The following ADGRL1 variants were observed in gnomAD, a reference collection of about 807,000 sequenced individuals.
ADGRL1 encodes adhesion G protein-coupled receptor L1, also known as CIRL-1.
A neutral mutation model predicts 148.9 loss-of-function variants in ADGRL1; 31 were observed. The ratio of observed to expected loss-of-function variants is 0.21; its 90% CI spans 0.16 to 0.28. ADGRL1 has a LOEUF of 0.28. ADGRL1 is among the 10% of genes least tolerant of loss of function. The probability of loss-of-function intolerance (pLI) is 1.00; values close to 1 mark genes in which losing one functional copy is unlikely to be tolerated. For missense variants in ADGRL1, 1,521 were observed against 2,058.8 expected, an observed-to-expected ratio of 0.74 and a Z score of 5.05; for synonymous variants, 937 against 900.3, an observed-to-expected ratio of 1.04 and a Z score of -0.73.
chr19:14,161,618 T>C lies in ADGRL1; in HGVS notation c.1204A>G (p.Thr402Ala), dbSNP rs1337467035. The change falls in exon 6 of 23, where the codon ACT becomes GCT. Residue 402 changes from threonine (T) to alanine (A), a missense_variant. Coordinates refer to ENST00000361434, the MANE Select transcript of ADGRL1 (RefSeq NM_014921.5). The surrounding 1 kb of genome is among the most constrained non-coding windows in gnomAD (Gnocchi z 4.4). ...GPPDPSAGPA[T>A]SPPLSTTTTA... ...GTGGTCGTGCTGAGGGGTGGGGAAGTGGCTGGGCCTGGAGAGGGGATACGA... is the reference window on the plus strand; with the variant it reads ...GTGGTCGTGCTGAGGGGTGGGGAAGCGGCTGGGCCTGGAGAGGGGATACGA... 7.1e-7 allele frequency: 1 copy of C among 1,406,712 alleles called. No homozygotes were observed. Among genetic ancestry groups the C allele is most frequent in the East Asian group, 2.8e-5 (1 of 36,212 alleles). The allele number at this position is 1,406,712 out of a possible 1,614,324, so 87.1% of individuals were successfully genotyped here.
At chr19:14,200,154 G>A (rs1972506016) in intron 1 of ADGRL1, among the ~76,000 whole-genome samples, 1 of 152,222 alleles carries the variant, frequency 6.6e-6, no homozygotes, top group African/African-American at 2.4e-5. Context: ...AGAGTTAGAA[G>A]AGCATCCTGG....
At chr19:14,190,334 A>ATTT (rs1971850044) in intron 1 of ADGRL1, among the ~76,000 whole-genome samples, 1 of 152,150 alleles carries the variant, frequency 6.6e-6, no homozygotes, top group African/African-American at 2.4e-5. Context: ...TGGCACCATC[A>ATTT]AAGCTCACTG....
intron 18 of ADGRL1, among the ~76,000 whole-genome samples, chr19:14,153,560 C>T (rs1214811736): frequency 7.3e-5 from 11 of 150,606 alleles, no homozygotes; most frequent in Middle Eastern, 3.4e-3. Context: ...GGATTACAGG[C>T]GCACACCACC....
rs1968269303 is a variant in ADGRL1 at position 14,152,170 on chromosome 19, G to A, written c.3650-20C>T. The A allele has an allele frequency of 6.2e-7, 1 of 1,614,154 alleles. No homozygotes were observed. The highest frequency in any genetic ancestry group is 1.1e-5 in the South Asian group (1 of 91,092). On this transcript the variant is annotated intron_variant, in intron 21 of 22. Coordinates refer to ENST00000361434, the MANE Select transcript of ADGRL1 (RefSeq NM_014921.5). This position sits in a 1 kb window ranked among gnomAD's most constrained non-coding sequence, Gnocchi z 6.1. ...AGCTCCCTGCAGGTGGCAGCCAGAAGAGAGAAGAGAAAAGGCAAGGATGAG... is the reference window on the plus strand; with the variant it reads ...AGCTCCCTGCAGGTGGCAGCCAGAAAAGAGAAGAGAAAAGGCAAGGATGAG...
intron 1 of ADGRL1, among the ~76,000 whole-genome samples, chr19:14,197,837 TAATG>T (rs1170410996): frequency 2.6e-5 from 4 of 152,208 alleles, no homozygotes; most frequent in Non-Finnish European, 5.9e-5. Context: ...TTCATTTGTT[TAATG>T]AATGAAGATG....
At position 14,199,091 on chromosome 19, in the gene ADGRL1, G is replaced by C. The variant is rs569304818; in HGVS notation, c.-96+6894C>G. 4.5e-3 allele frequency among the ~76,000 whole-genome samples: 679 copies of C among 152,340 alleles called. 3 individuals carry two copies. The highest frequency in any genetic ancestry group is 0.016 in the African/African-American group (649 of 41,586). On this transcript the variant is annotated intron_variant, in intron 1 of 22. Coordinates refer to ENST00000361434, the MANE Select transcript of ADGRL1 (RefSeq NM_014921.5). ...GGAGACAGGGGCATGGTGCCTAGCA[G>C]GGCAGGAGAGAAGAGGCCTCCGGCA...
At chr19:14,202,958 G>GCAGA (rs888426410) in intron 1 of ADGRL1, among the ~76,000 whole-genome samples, 6 of 152,270 alleles carry the variant, frequency 3.9e-5, no homozygotes, top group South Asian at 2.1e-4. Flanking sequence ...ATGCACAGGT[G>GCAGA]CAGACAGACA....
Position 14,183,682 on chromosome 19 carries a change from G to T in ADGRL1, c.-80C>A. 1 of 1,287,502 alleles carries T rather than the reference G, an allele frequency of 7.8e-7. No homozygotes were observed. Among genetic ancestry groups the T allele is most frequent in the Non-Finnish European group, 1.1e-6 (1 of 923,840 alleles). The allele number at this position is 1,287,502 out of a possible 1,614,324, so 79.8% of individuals were successfully genotyped here. A position where few individuals can be genotyped will look rare whatever the true frequency, so the allele number is the denominator to read the frequency against. ...CCCCACATCACCTGGCAGGCACCAC[G>T]GCCTGGACCACCAGCCTGGGGGAGG... is the stretch of plus-strand genomic sequence containing the variant. On this transcript the variant is annotated 5_prime_UTR_variant, in exon 2 of 23. Transcript: ENST00000361434.
chr19:14,195,356 CAGG>C (rs1365650134), intron 1 of ADGRL1, among the ~76,000 whole-genome samples: 2 of 151,920 alleles, frequency 1.3e-5, no homozygotes, highest in Non-Finnish European at 2.9e-5. Flanking sequence ...GGGAGAGCAA[CAGG>C]AGGAGAAGCG....
At position 14,162,040 on chromosome 19, in the gene ADGRL1, G is replaced by A. The variant is rs574636035; in HGVS notation, c.1196-414C>T. 2.6e-5 allele frequency among the ~76,000 whole-genome samples: 4 copies of A among 152,288 alleles called. No individual in the cohort carries two copies. The highest frequency in any genetic ancestry group is 3.9e-4 in the East Asian group (2 of 5,170). On this transcript the variant is annotated intron_variant, in intron 5 of 22. Coordinates refer to ENST00000361434, the MANE Select transcript of ADGRL1 (RefSeq NM_014921.5). This position sits in a 1 kb window ranked among gnomAD's most constrained non-coding sequence, Gnocchi z 5.4. ...CTCGTTCTAGCTGACTTTGGCTTAT[G>A]TAACCTGGCTATGCTCCTTCCTTCT...
intron 3 of ADGRL1, among the ~76,000 whole-genome samples, chr19:14,172,855 G>T (rs1413467844): frequency 6.6e-6 from 1 of 152,062 alleles, no homozygotes; most frequent in Non-Finnish European, 1.5e-5. Context: ...CAACTGTCAC[G>T]GTTTCACAGT....
At chr19:14,179,282 G>A (rs979871943) in intron 2 of ADGRL1, among the ~76,000 whole-genome samples, 11 of 151,792 alleles carry the variant, frequency 7.2e-5, no homozygotes, top group Admixed American at 3.9e-4. Context: ...ATCATGAGGT[G>A]AGGTGATTGA....
intron 1 of ADGRL1, among the ~76,000 whole-genome samples, chr19:14,194,667 G>C (rs947129581): frequency 2.6e-5 from 4 of 152,282 alleles, no homozygotes; most frequent in African/African-American, 7.2e-5. Context: ...GTTGGGCTTG[G>C]TGAGCTGTGG....
rs1324552263 is a variant in ADGRL1, at chr19:14,162,168, G to T, written c.1195+438C>A. Among the ~76,000 whole-genome samples, 2 of 152,180 alleles carry T rather than the reference G, an allele frequency of 1.3e-5. No homozygotes were observed. Among genetic ancestry groups the T allele is most frequent in the Non-Finnish European group, 2.9e-5 (2 of 68,014 alleles). ...AGCAGGGCAGCTAGGCGGGGCAAAA[G>T]AAGACTGCAGAGTTGCCCTCAGCCC... On this transcript the variant is annotated intron_variant, in intron 5 of 22. Transcript: ENST00000361434. The surrounding 1 kb of genome is among the most constrained non-coding windows in gnomAD (Gnocchi z 5.4).
intron 1 of ADGRL1, among the ~76,000 whole-genome samples, chr19:14,188,369 C>T (rs1221432493): frequency 2.6e-5 from 4 of 152,144 alleles, no homozygotes; most frequent in African/African-American, 9.7e-5. Flanking sequence ...CACAAAGACA[C>T]CCACGGAAGA....
Position 14,157,128 on chromosome 19 carries a change from G to C in ADGRL1, c.2763C>G (p.Phe921Leu). Residue 921 changes from phenylalanine (F) to leucine (L), a missense_variant, in exon 15 of 23, where the codon TTC (phenylalanine) becomes TTG (leucine). Phe to Leu is a conservative substitution (Grantham distance 22). This residue lies in a region of ADGRL1 where 26 missense variants were observed against 75.0 expected (regional missense o/e 0.35). Coordinates refer to ENST00000361434, the MANE Select transcript of ADGRL1 (RefSeq NM_014921.5). The surrounding 1 kb of genome is among the most constrained non-coding windows in gnomAD (Gnocchi z 7.5). ...KTQYEIACPI[F>L]AGLLHYFFLA... ...GGAAGAAATAGTGCAGCAGGCCGGC[G>C]AAGATGGGGCAGGCAATCTGCGGGG... The C allele has an allele frequency of 6.2e-7, 1 of 1,614,048 alleles. No individual in the cohort carries two copies. Among genetic ancestry groups the C allele is most frequent in the Non-Finnish European group, 8.5e-7 (1 of 1,179,994 alleles).
intron 1 of ADGRL1, among the ~76,000 whole-genome samples, chr19:14,203,751 C>T (rs1469763775): frequency 2.0e-5 from 3 of 152,186 alleles, no homozygotes; most frequent in Admixed American, 6.5e-5. Context: ...CCCCAGCTCC[C>T]CATCCTCCCC....
At chr19:14,168,785 G>GT (rs531491450) in intron 4 of ADGRL1, 16 of 151,984 alleles carry the variant, frequency 1.1e-4, no homozygotes, top group African/African-American at 3.4e-4. Context: ...AGCAATAATC[G>GT]TAATTGACAA....
At chr19:14,184,246 T>C (rs920620715) in intron 1 of ADGRL1, among the ~76,000 whole-genome samples, 26 of 152,012 alleles carry the variant, frequency 1.7e-4, no homozygotes, top group Non-Finnish European at 3.2e-4. Flanking sequence ...GAGTCCCCTC[T>C]TTCCTCTCTG....
Sources: allele counts gnomAD v4.1 joint callset (sites outside exome capture counted in the v4.1 genomes callset), GRCh38; gene constraint gnomAD v4.1.1; regional missense constraint gnomAD v4.1.1; non-coding constraint Gnocchi (gnomAD v3.1); transcripts MANE v1.5; gene names NCBI Gene and HGNC (gene_info 2026-07-23, HGNC 2026-07-21).